GABRA2: variants seen among roughly 807,000 people sequenced by gnomAD.
GABRA2 encodes the protein gamma-aminobutyric acid receptor subunit alpha-2.
In GABRA2, 16 loss-of-function variants were observed where a neutral mutation model predicts 48.7. The ratio of observed to expected loss-of-function variants is 0.33; its 90% CI spans 0.22 to 0.50. The LOEUF is 0.50. Among genes scored for constraint, GABRA2 ranks in the 20% least tolerant of loss-of-function variants. The pLI, the probability that GABRA2 is intolerant of heterozygous loss-of-function variation, is 0.98. For missense variants in GABRA2, 275 were observed against 535.6 expected (o/e 0.51, Z 4.80); for synonymous variants, 185 against 184.5 (o/e 1.00, Z -0.02).
At chr4:46,255,179 T>A (rs1214670920) in intron 9 of GABRA2, among the ~76,000 whole-genome samples, 1 of 151,632 alleles carries the variant, frequency 6.6e-6, no homozygotes, top group African/African-American at 2.4e-5. Flanking sequence ...CCTAGCATAG[T>A]TCCTGGCTCA....
chr4:46,312,517 C>T lies in GABRA2; in HGVS notation c.455G>A (p.Gly152Glu). The change falls in exon 5 of 10, where the codon GGG (glycine) becomes GAG (glutamate). Residue 152 changes from glycine (G) to glutamate (E), a missense_variant. Physicochemically the swap from Gly to Glu is moderately conservative, Grantham distance 98. Coordinates refer to ENST00000381620, the MANE Select transcript of GABRA2 (RefSeq NM_000807.4). ...ATACCTCATGGTATACAGCAGAGTC[C>T]CATCATCCTGAATTCGAAGCAACTT... is the stretch of plus-strand genomic sequence containing the variant. Reference protein sequence around the residue: ...PNKLLRIQDDGTLLYTMRLTV... With the variant: ...PNKLLRIQDDETLLYTMRLTV... 6.2e-7 allele frequency: 1 copy of T among 1,606,220 alleles called. No homozygotes were observed. Among genetic ancestry groups the T allele is most frequent in the Non-Finnish European group, 8.5e-7 (1 of 1,175,462 alleles).
intron 8 of GABRA2, among the ~76,000 whole-genome samples, chr4:46,284,633 C>A (rs982029679): frequency 1.3e-5 from 2 of 152,064 alleles, no homozygotes; most frequent in East Asian, 1.9e-4. Flanking sequence ...TATAATGGAG[C>A]AAAGTCTCTA....
At chr4:46,374,546 T>A (rs764594374) in intron 3 of GABRA2, among the ~76,000 whole-genome samples, 4 of 152,144 alleles carry the variant, frequency 2.6e-5, no homozygotes, top group Non-Finnish European at 4.4e-5. Flanking sequence ...CCTGGAGATA[T>A]AACTCTACTC....
Position 46,315,346 on chromosome 4 carries a change from G to A in GABRA2, c.256-2630C>T, listed in dbSNP as rs1284314655. ...TTAATGAGGTTGTTTGGTTTTACTT[G>A]TTGAATTATGTAAGTTTCCTAAAAA... is the stretch of plus-strand genomic sequence containing the variant. On this transcript the variant is annotated intron_variant, in intron 4 of 9. Transcript: ENST00000381620. 2.0e-5 allele frequency among the ~76,000 whole-genome samples: 3 copies of A among 151,822 alleles called. No homozygotes were observed. In the East Asian group the frequency reaches 5.8e-4, roughly 29 times the overall value.
At chr4:46,271,911 T>A in intron 8 of GABRA2, among the ~76,000 whole-genome samples, 1 of 152,044 alleles carries the variant, frequency 6.6e-6, no homozygotes, top group African/African-American at 2.4e-5. Context: ...GTCTAGGGAA[T>A]TGTACATGCT....
chr4:46,286,711 A>G (rs578161245), intron 8 of GABRA2, among the ~76,000 whole-genome samples: 9 of 152,276 alleles, frequency 5.9e-5, no homozygotes, highest in Admixed American at 1.3e-4. Flanking sequence ...AGTATTGTAC[A>G]TAATTTCATG....
intron 4 of GABRA2, among the ~76,000 whole-genome samples, chr4:46,320,696 A>G (rs180831727): frequency 1.3e-3 from 199 of 152,028 alleles, no homozygotes; most frequent in African/African-American, 4.6e-3. Flanking sequence ...ATTAAAATCA[A>G]TATCACCTCA....
chr4:46,346,369 C>A (rs941923945), intron 3 of GABRA2, among the ~76,000 whole-genome samples: 6 of 151,348 alleles, frequency 4.0e-5, no homozygotes, highest in Non-Finnish European at 7.4e-5. Context: ...GGACAGTCAA[C>A]AAAGGGTCCA....
At chr4:46,355,924 T>C (rs752635112) in intron 3 of GABRA2, among the ~76,000 whole-genome samples, 3 of 152,104 alleles carry the variant, frequency 2.0e-5, no homozygotes, top group Non-Finnish European at 4.4e-5. Context: ...GTCAAAACAC[T>C]CTTGTTTATA....
In GABRA2 at chr4:46,244,215, T is replaced by C. The variant is rs2109351368; in HGVS notation, c.*6093A>G. ...CACCTTTTTACACATTATGATCAGTTTAAAGCACAATCAATTGCTTCAACG... is the reference window on the plus strand; with the variant it reads ...CACCTTTTTACACATTATGATCAGTCTAAAGCACAATCAATTGCTTCAACG... On this transcript the variant is annotated 3_prime_UTR_variant, in exon 10 of 10. Transcript: ENST00000381620. The C allele has an allele frequency of 6.6e-6, 1 of 151,716 alleles. No homozygotes were observed. The highest frequency in any genetic ancestry group is 6.6e-5 in the Admixed American group (1 of 15,158). 9.4% of individuals were successfully genotyped at this position (151,716 alleles called of 1,614,324 possible).
intron 3 of GABRA2, among the ~76,000 whole-genome samples, chr4:46,375,493 G>T (rs977867289): frequency 6.6e-6 from 1 of 152,068 alleles, no homozygotes; most frequent in East Asian, 1.9e-4. Context: ...GGAGAATCCG[G>T]AAGTTTCTAT....
Position 46,286,410 on chromosome 4 carries a change from C to T in GABRA2, c.856+17050G>A, listed in dbSNP as rs144034829. On this transcript the variant is annotated intron_variant, in intron 8 of 9. Coordinates refer to ENST00000381620, the MANE Select transcript of GABRA2 (RefSeq NM_000807.4). The stretch of plus-strand genomic sequence containing the variant: ...TTGAGAATAATGCTGCTGTAAACAT[C>T]CATGTACATGTTTCTGTGTGAACAT... Among the ~76,000 whole-genome samples, 554 of 152,102 alleles carry T rather than the reference C, an allele frequency of 3.6e-3. 2 individuals carry two copies. Among genetic ancestry groups the T allele is most frequent in the Non-Finnish European group, 6.1e-3 (413 of 67,918 alleles).
rs1425282470 is a variant in GABRA2 at position 46,330,587 on chromosome 4, T to TAGAGAGAG, written c.255+2027_255+2028insCTCTCTCT. On this transcript the variant is annotated intron_variant, in intron 4 of 9. Coordinates refer to ENST00000381620, the MANE Select transcript of GABRA2 (RefSeq NM_000807.4). ...GCATATATATATATATATATATATA[T>TAGAGAGAG]ATATAGAGAGAGAGAGAGAGAGATG... 3.1e-3 allele frequency among the ~76,000 whole-genome samples: 382 copies of TAGAGAGAG among 123,478 alleles called. 1 individual carries two copies. The highest frequency in any genetic ancestry group is 0.01 in the African/African-American group (363 of 35,492). The allele number at this position is 123,478 out of a possible 152,430, so 81.0% of individuals were successfully genotyped here. A position where few individuals can be genotyped will look rare whatever the true frequency, so the allele number is the denominator to read the frequency against.
chr4:46,358,497 T>C (rs1736359288), intron 3 of GABRA2, among the ~76,000 whole-genome samples: 1 of 152,212 alleles, frequency 6.6e-6, no homozygotes, highest in Non-Finnish European at 1.5e-5. Flanking sequence ...TATCTTCTCT[T>C]CTTAGAGATG....
chr4:46,389,784 G>C lies in GABRA2; in HGVS notation c.-60C>G. 1.0e-6 allele frequency: 1 copy of C among 961,528 alleles called. No individual in the cohort carries two copies. The highest frequency in any genetic ancestry group is 1.2e-6 in the Non-Finnish European group (1 of 823,972). 59.6% of individuals were successfully genotyped at this position (961,528 alleles called of 1,614,324 possible). A position where few individuals can be genotyped will look rare whatever the true frequency, so the allele number is the denominator to read the frequency against. On this transcript the variant is annotated 5_prime_UTR_variant, in exon 1 of 10. Transcript: ENST00000381620. Reference sequence around the variant, plus strand: ...GTTTTCTTCCTTTTGCCCTGATCTTGACGAGATAGGAAACTTGGGAGAGAG... The same window carrying C: ...GTTTTCTTCCTTTTGCCCTGATCTTCACGAGATAGGAAACTTGGGAGAGAG...
At chr4:46,250,984 A>C (rs1714637367) in intron 9 of GABRA2, among the ~76,000 whole-genome samples, 1 of 151,590 alleles carries the variant, frequency 6.6e-6, no homozygotes, top group African/African-American at 2.4e-5. Flanking sequence ...GAGGAATGAT[A>C]ATCTACAATG....
intron 8 of GABRA2, among the ~76,000 whole-genome samples, chr4:46,300,686 T>C (rs1725584484): frequency 6.6e-6 from 1 of 152,066 alleles, no homozygotes; most frequent in Admixed American, 6.6e-5. Context: ...CTTCATTTTT[T>C]ATTTTATTAA....
chr4:46,262,379 T>C (rs1416668638), intron 8 of GABRA2, among the ~76,000 whole-genome samples: 2 of 152,106 alleles, frequency 1.3e-5, no homozygotes, highest in East Asian at 3.9e-4. Flanking sequence ...TGTATAAAAA[T>C]CAACTTCCTT....
rs546913989 is a variant in GABRA2 at position 46,325,447 on chromosome 4, T to G, written c.255+7168A>C. The stretch of plus-strand genomic sequence containing the variant: ...AATGAGATTGTTTGTTTTTCACTTA[T>G]GAAGTACTTTATAGATTCTGGCTAT... On this transcript the variant is annotated intron_variant, in intron 4 of 9. Transcript: ENST00000381620. Among the ~76,000 whole-genome samples the G allele has an allele frequency of 2.6e-5, 4 of 152,134 alleles. No individual in the cohort carries two copies. In the South Asian group the frequency reaches 8.3e-4, roughly 32 times the overall value.
Sources: gnomAD v4.1 joint callset for allele counts (sites outside exome capture counted in the v4.1 genomes callset) on GRCh38, gnomAD v4.1.1 for gene constraint, MANE v1.5 for transcripts, NCBI Gene and HGNC (gene_info 2026-07-23, HGNC 2026-07-21) for gene names.